Variants in PLEKHM3 observed in about 807,000 individuals in gnomAD.
PLEKHM3 encodes pleckstrin homology domain-containing family M member 3.
PLEKHM3 carries 45 observed loss-of-function variants against 81.8 expected under a neutral mutation model. The ratio of observed to expected loss-of-function variants is 0.55; its 90% CI spans 0.43 to 0.71. PLEKHM3 has a LOEUF of 0.71. Among genes scored for constraint, PLEKHM3 ranks in the 30% least tolerant of loss-of-function variants. PLEKHM3 has a pLI of 0.00. For synonymous variants in PLEKHM3, 352 were observed against 356.4 expected, an observed-to-expected ratio of 0.99 and a Z score of 0.14; for missense variants, 788 against 924.3, an observed-to-expected ratio of 0.85 and a Z score of 1.91.
At chr2:207,852,179 T>G (rs1188478358) in intron 7 of PLEKHM3, among the ~76,000 whole-genome samples, 4 of 152,180 alleles carry the variant, frequency 2.6e-5, no homozygotes, top group Non-Finnish European at 5.9e-5. Flanking sequence ...AGACTACAGG[T>G]GCAGAAGTAG....
At chr2:207,923,500 G>A (rs544421189) in intron 5 of PLEKHM3, among the ~76,000 whole-genome samples, 3 of 152,080 alleles carry the variant, frequency 2.0e-5, no homozygotes, top group African/African-American at 4.8e-5. Context: ...CCAGCTACTC[G>A]GGAGGCTGAG....
chr2:207,953,547 G>A (rs1690405762), intron 3 of PLEKHM3, among the ~76,000 whole-genome samples: 1 of 152,106 alleles, frequency 6.6e-6, no homozygotes, highest in Non-Finnish European at 1.5e-5. Context: ...ATAATCCTTT[G>A]GGAGGCTGAG....
Position 207,828,083 on chromosome 2 carries a change from A to C in PLEKHM3, c.*236T>G. ...ATTCTTGGCTAAGTGTAATCCAGCT[A>C]TTGGTAGTTTCTCGAGCCACAGAGG... On this transcript the variant is annotated 3_prime_UTR_variant, in exon 8 of 8. Coordinates refer to ENST00000427836, the MANE Select transcript of PLEKHM3 (RefSeq NM_001080475.3). The C allele has an allele frequency of 3.7e-6, 1 of 272,664 alleles. No individual in the cohort carries two copies. The highest frequency in any genetic ancestry group is 6.7e-6 in the Non-Finnish European group (1 of 149,414). 16.9% of individuals were successfully genotyped at this position (272,664 alleles called of 1,614,324 possible).
chr2:207,864,310 C>T (rs1370724844), intron 6 of PLEKHM3, among the ~76,000 whole-genome samples: 1 of 152,168 alleles, frequency 6.6e-6, no homozygotes, highest in Non-Finnish European at 1.5e-5. Flanking sequence ...GCTCCTAATA[C>T]CAACACATGA....
intron 6 of PLEKHM3, among the ~76,000 whole-genome samples, chr2:207,880,214 C>T (rs2092579509): frequency 1.3e-5 from 2 of 152,056 alleles, no homozygotes; most frequent in South Asian, 2.1e-4. Context: ...CGAGACCAGC[C>T]TGGCCAACAT....
At chr2:207,951,231 G>A (rs2105978154) in intron 3 of PLEKHM3, among the ~76,000 whole-genome samples, 1 of 152,256 alleles carries the variant, frequency 6.6e-6, no homozygotes, top group East Asian at 1.9e-4. Context: ...TTTTTTTAGA[G>A]AGTGTCAAAG....
At position 207,843,581 on chromosome 2, in the gene PLEKHM3, C is replaced by G. The variant is rs980774742; in HGVS notation, c.2109-15085G>C. ...TCAAGCACTGCAGGAAAACCACGCT[C>G]CACCGAAGAGGTTGTTACCTCAGGC... On this transcript the variant is annotated intron_variant, in intron 7 of 7. Transcript: ENST00000427836. This position sits in a 1 kb window ranked among gnomAD's most constrained non-coding sequence, Gnocchi z 4.4. Among the ~76,000 whole-genome samples the G allele has an allele frequency of 2.0e-5, 3 of 152,176 alleles. No homozygotes were observed. The highest frequency in any genetic ancestry group is 4.4e-5 in the Non-Finnish European group (3 of 68,040).
At chr2:207,934,921 T>A (rs1689698519) in intron 4 of PLEKHM3, among the ~76,000 whole-genome samples, 1 of 152,060 alleles carries the variant, frequency 6.6e-6, no homozygotes, top group Admixed American at 6.6e-5. Context: ...TCTGGTATGC[T>A]CCCCCACAAA....
chr2:208,005,570 A>G (rs1692467863), intron 1 of PLEKHM3, among the ~76,000 whole-genome samples: 1 of 152,168 alleles, frequency 6.6e-6, no homozygotes, highest in South Asian at 2.1e-4. Context: ...TTCTCATCAT[A>G]TAATATTAAG....
At position 208,001,529 on chromosome 2, in the gene PLEKHM3, A is replaced by C; in HGVS notation, c.111T>G (p.Tyr37Ter). ...CCAGTTCAGGGACTTCCTGGATCCC[A>C]TAAACCTCTGCCTGCTGCACAGCCT... ...LEKAVQQAEVYGIQEVPELVG... is the reference protein window; with the variant it reads ...LEKAVQQAEV Residue 37 changes from tyrosine (Y) to a stop codon, truncating the protein, a stop_gained, in exon 2 of 8, where the codon TAT becomes TAG. Transcript: ENST00000427836. LOFTEE classifies it high-confidence loss of function. 1 of 1,614,212 alleles carries C rather than the reference A, an allele frequency of 6.2e-7. No homozygotes were observed. The highest frequency in any genetic ancestry group is 8.5e-7 in the Non-Finnish European group (1 of 1,180,026).
chr2:207,883,095 A>G (rs1428047103), intron 6 of PLEKHM3, among the ~76,000 whole-genome samples: 1 of 152,140 alleles, frequency 6.6e-6, no homozygotes, highest in Non-Finnish European at 1.5e-5. Context: ...TGACGTTACC[A>G]TTGGTTGACA....
chr2:207,955,995 A>G (rs1193049289), intron 3 of PLEKHM3, among the ~76,000 whole-genome samples: 1 of 152,100 alleles, frequency 6.6e-6, no homozygotes, highest in African/African-American at 2.4e-5. Flanking sequence ...GGGGCATTTG[A>G]GCTGGGTCTT....
At chr2:207,837,246 T>C (rs2092324286) in intron 7 of PLEKHM3, among the ~76,000 whole-genome samples, 1 of 152,150 alleles carries the variant, frequency 6.6e-6, no homozygotes, top group Non-Finnish European at 1.5e-5. Context: ...GCTATGCATG[T>C]ACTTATAGAC....
Position 207,825,939 on chromosome 2 carries a change from G to C in PLEKHM3, c.*2380C>G, listed in dbSNP as rs1575256141. The C allele has an allele frequency of 1.3e-5, 2 of 152,208 alleles. No homozygotes were observed. The highest frequency in any genetic ancestry group is 2.1e-4 in the South Asian group (1 of 4,828). 9.4% of individuals were successfully genotyped at this position (152,208 alleles called of 1,614,324 possible). A position where few individuals can be genotyped will look rare whatever the true frequency, so the allele number is the denominator to read the frequency against. ...GGACTGGTGAAAACAAAGATGTTTT[G>C]AACGGGGATCCAGAATTTCGCCCTT... is the stretch of plus-strand genomic sequence containing the variant. On this transcript the variant is annotated 3_prime_UTR_variant, in exon 8 of 8. Coordinates refer to ENST00000427836, the MANE Select transcript of PLEKHM3 (RefSeq NM_001080475.3).
At chr2:207,877,758 C>G (rs1477324723) in intron 6 of PLEKHM3, among the ~76,000 whole-genome samples, 1 of 152,196 alleles carries the variant, frequency 6.6e-6, no homozygotes, top group East Asian at 1.9e-4. Flanking sequence ...CTACTACTGT[C>G]TTATCTTCTC....
At chr2:207,879,772 C>G (rs78987579) in intron 6 of PLEKHM3, among the ~76,000 whole-genome samples, 1 of 152,118 alleles carries the variant, frequency 6.6e-6, no homozygotes, top group Non-Finnish European at 1.5e-5. Context: ...ATTCTGTGGG[C>G]TGCCAGAAAG....
chr2:207,880,237 T>C (rs1040262972), intron 6 of PLEKHM3, among the ~76,000 whole-genome samples: 4 of 151,800 alleles, frequency 2.6e-5, no homozygotes, highest in Non-Finnish European at 5.9e-5. Flanking sequence ...CAAAACCCCA[T>C]CTCTACTAAA....
intron 7 of PLEKHM3, among the ~76,000 whole-genome samples, chr2:207,859,040 A>G (rs1372801363): frequency 6.6e-6 from 1 of 152,018 alleles, no homozygotes; most frequent in African/African-American, 2.4e-5. Context: ...TATAAATAGA[A>G]TCATGTAATA....
chr2:208,012,543 A>AC (rs1170527322), intron 1 of PLEKHM3, among the ~76,000 whole-genome samples: 1 of 152,264 alleles, frequency 6.6e-6, no homozygotes, highest in Non-Finnish European at 1.5e-5. Flanking sequence ...AGGACCATAA[A>AC]CAAGGAGTGA....
Sources: gnomAD v4.1 joint callset for allele counts (sites outside exome capture counted in the v4.1 genomes callset) on GRCh38, gnomAD v4.1.1 for gene constraint, Gnocchi (gnomAD v3.1) non-coding constraint, MANE v1.5 for transcripts, NCBI Gene and HGNC (gene_info 2026-07-23, HGNC 2026-07-21) for gene names.